PIGG: variants seen among roughly 807,000 people sequenced by gnomAD.
The protein encoded by PIGG is phosphatidylinositol glycan anchor biosynthesis class G (EMM blood group).
In PIGG, 70 loss-of-function variants were observed where a neutral mutation model predicts 83.2. The observed-to-expected ratio is 0.84, with a 90% CI of 0.69 to 1.03. The LOEUF is 1.03. Ranked by LOEUF, PIGG falls within the 50% of genes least tolerant of loss-of-function variation. The pLI is 0.00. For missense variants in PIGG, 1,257 were observed against 1,233.6 expected (o/e 1.02, Z -0.28); for synonymous variants, 532 against 519.5 (o/e 1.02, Z -0.33).
intron 11 of PIGG, 74 bp downstream of exon 11, chr4:530,819 A>C: frequency 9.4e-7 from 1 of 1,058,280 alleles, no homozygotes; most frequent in Non-Finnish European, 1.4e-6. Flanking sequence ...CTTTGAGAAA[A>C]TGTTCCCATA....
Position 499,269 on chromosome 4 carries a change from A to G in PIGG, c.-67A>G. ...CTTAGAGGCGGCTACCTGGAGCCGG[A>G]AGCGCGGCTGCAGCAGGGCGAGGCT... On this transcript the variant is annotated 5_prime_UTR_variant, in exon 1 of 13. Transcript: ENST00000453061. The G allele has an allele frequency of 1.3e-6, 2 of 1,547,334 alleles. No homozygotes were observed. Among genetic ancestry groups the G allele is most frequent in the Non-Finnish European group, 1.7e-6 (2 of 1,144,830 alleles).
At chr4:535,653 C>G (rs1334565687) in intron 12 of PIGG, among the ~76,000 whole-genome samples, 4 of 152,176 alleles carry the variant, frequency 2.6e-5, no homozygotes, top group African/African-American at 9.6e-5. Context: ...CCGTCGCTCT[C>G]GCGGTGCTGA....
In PIGG at chr4:539,146, T is replaced by C. The variant is rs1265250710; in HGVS notation, c.2736-7T>C. 3.2e-6 allele frequency: 5 copies of C among 1,586,300 alleles called. No individual in the cohort carries two copies. Among genetic ancestry groups the C allele is most frequent in the Non-Finnish European group, 4.3e-6 (5 of 1,155,990 alleles). On this transcript the variant is annotated splice_region_variant and splice_polypyrimidine_tract_variant and intron_variant, in intron 12 of 12. Coordinates refer to ENST00000453061, the MANE Select transcript of PIGG (RefSeq NM_001127178.3). ...GTGCTAATACACATTTTCTTTCTTA[T>C]TAACAGTGGTTCAGCACTGAGTCAT...
chr4:500,151 G>A (rs1040777071), intron 1 of PIGG: 1 of 525,336 alleles, frequency 1.9e-6, no homozygotes, highest in Middle Eastern at 5.3e-4. Flanking sequence ...TCCTACCCCA[G>A]TACTCTTCAC....
intron 8 of PIGG, 101 bp from the exon 9 acceptor site, chr4:523,357 GT>G (rs1726590700): frequency 4.8e-6 from 4 of 838,606 alleles, no homozygotes; most frequent in Non-Finnish European, 7.8e-6. Context: ...GAACAATGGT[GT>G]GTGTCCAGGG....
chr4:527,179 C>T lies in PIGG; in HGVS notation c.2210C>T (p.Ala737Val). 1 of 1,612,656 alleles carries T rather than the reference C, an allele frequency of 6.2e-7. No homozygotes were observed. Among genetic ancestry groups the T allele is most frequent in the South Asian group, 1.1e-5 (1 of 90,854 alleles). Reference protein sequence around the residue: ...GLLGVYCYRAAIGSVRFPWRP... With the variant: ...GLLGVYCYRAVIGSVRFPWRP... ...CTGGGCGTCTACTGCTACCGGGCGG[C>T]CATCGGGAGTGTCCGGTTCCCGTGG... Residue 737 changes from alanine to valine, a missense_variant, in exon 10 of 13, where the codon GCC becomes GTC. By Grantham distance (64) the Ala-to-Val change is moderately conservative (BLOSUM62 0). Transcript: ENST00000453061.
intron 9 of PIGG, chr4:525,449 A>G (rs2108983068): frequency 1.4e-6 from 1 of 732,650 alleles, no homozygotes; most frequent in South Asian, 6.1e-5. Flanking sequence ...TCCTGTAAGA[A>G]ATGGCAGCAG....
chr4:527,423 A>G (rs986924876), intron 10 of PIGG, 193 bp downstream of exon 10: 3 of 1,335,820 alleles, frequency 2.2e-6, no homozygotes, highest in South Asian at 2.2e-5. Context: ...GAAAACCTCA[A>G]CCAGCTGCGT....
At chr4:499,789 T>A in intron 1 of PIGG, 1 of 1,218,972 alleles carries the variant, frequency 8.2e-7, no homozygotes, top group Non-Finnish European at 1.0e-6. Context: ...CTCCCGCCCC[T>A]TTCCTGAGCA....
chr4:512,931 G>A (rs1227062006), intron 5 of PIGG, among the ~76,000 whole-genome samples: 2 of 152,176 alleles, frequency 1.3e-5, no homozygotes, highest in Non-Finnish European at 2.9e-5. Flanking sequence ...ATCGGGAGCT[G>A]GGGGAATGAG....
At chr4:517,724 G>A (rs1304219831) in intron 6 of PIGG, among the ~76,000 whole-genome samples, 1 of 152,142 alleles carries the variant, frequency 6.6e-6, no homozygotes, top group Non-Finnish European at 1.5e-5. Context: ...GACTCTAATG[G>A]GAGTAGGAGG....
intron 6 of PIGG, among the ~76,000 whole-genome samples, chr4:516,854 CAAAAAAAAAAAAAAA>C (rs1178401194): frequency 6.5e-5 from 3 of 46,510 alleles, no homozygotes; most frequent in Non-Finnish European, 1.2e-4. Context: ...GACTCTGCCT[CAAAAAAAAAAAAAAA>C]AAAAAAAAAG....
intron 11 of PIGG, chr4:532,168 A>G (rs1729217863): frequency 6.6e-6 from 1 of 152,390 alleles, no homozygotes. Context: ...GGCCCTCCAC[A>G]TTTGCCCAGT....
chr4:500,684 G>A, intron 2 of PIGG, 83 bp downstream of exon 2: 2 of 895,154 alleles, frequency 2.2e-6, no homozygotes, highest in Non-Finnish European at 3.6e-6. Context: ...TTCGCTTGGA[G>A]TTGCAATTTT....
chr4:516,223 T>A, intron 6 of PIGG, 38 bp downstream of exon 6: 1 of 1,421,696 alleles, frequency 7.0e-7, no homozygotes, highest in South Asian at 1.1e-5. Context: ...GTCAGAGCTG[T>A]GTGTTTCCAC....
At position 512,747 on chromosome 4, in the gene PIGG, A is replaced by G. The variant is rs375667404; in HGVS notation, c.902-3226A>G. Reference sequence around the variant, plus strand: ...GGAGAATCACTTGAACCCGGGAGGCAGAGGTTGCAGTGAGCCGAGATCGCA... The same window carrying G: ...GGAGAATCACTTGAACCCGGGAGGCGGAGGTTGCAGTGAGCCGAGATCGCA... On this transcript the variant is annotated intron_variant, in intron 5 of 12. Coordinates refer to ENST00000453061, the MANE Select transcript of PIGG (RefSeq NM_001127178.3). Among the ~76,000 whole-genome samples the G allele has an allele frequency of 3.1e-4, 47 of 152,110 alleles. No individual in the cohort carries two copies. In the East Asian group the frequency reaches 6.7e-3, roughly 22 times the overall value.
At position 523,846 on chromosome 4, in the gene PIGG, C is replaced by T; in HGVS notation, c.2002C>T (p.Leu668=). The change falls in exon 9 of 13, where the codon CTG becomes TTG. Residue 668 remains leucine, a synonymous_variant. Transcript: ENST00000453061. ...GCTAATACTGGCCTGCTGCCGGCTG[C>T]TGCGCTCCCTAAACCAGACAGGTGT... The part of the protein sequence containing the change: ...PWLILACCRL[L]RSLNQTGVQW... 1 of 1,598,560 alleles carries T rather than the reference C, an allele frequency of 6.3e-7. No homozygotes were observed. Among genetic ancestry groups the T allele is most frequent in the Non-Finnish European group, 8.5e-7 (1 of 1,172,902 alleles).
In PIGG at chr4:508,925, A is replaced by G; in HGVS notation, c.856A>G (p.Asn286Asp). ...CGGGGCCTCCTCCACCGAGGAGGTG[A>G]ATACACCTCTGATTTTAATCAGTTC... Reference protein sequence around the residue: ...SHGASSTEEVNTPLILISSAF... With the variant: ...SHGASSTEEVDTPLILISSAF... Residue 286 changes from asparagine (N) to aspartate (D), a missense_variant, in exon 5 of 13, where the codon AAT (asparagine) becomes GAT (aspartate). Asn to Asp is a conservative substitution (Grantham distance 23). Transcript: ENST00000453061. 6.2e-7 allele frequency: 1 copy of G among 1,611,894 alleles called. No individual in the cohort carries two copies. The highest frequency in any genetic ancestry group is 8.5e-7 in the Non-Finnish European group (1 of 1,177,926).
intron 11 of PIGG, 64 bp downstream of exon 11, chr4:530,809 C>A: frequency 8.5e-7 from 1 of 1,182,438 alleles, no homozygotes; most frequent in South Asian, 1.5e-5. Context: ...TTAAATTTTT[C>A]TTTGAGAAAA....
Sources: allele counts gnomAD v4.1 joint callset (sites outside exome capture counted in the v4.1 genomes callset), GRCh38; gene constraint gnomAD v4.1.1; transcripts MANE v1.5; gene names NCBI Gene and HGNC (gene_info 2026-07-23, HGNC 2026-07-21).